SRGAP3: variants seen among roughly 807,000 people sequenced by gnomAD.
The protein encoded by SRGAP3 is SLIT-ROBO Rho GTPase activating protein 3.
A neutral mutation model predicts 121.1 loss-of-function variants in SRGAP3; 39 were observed. That is an observed-to-expected ratio of 0.32 (90% CI 0.25 to 0.42). SRGAP3 has a LOEUF of 0.42. SRGAP3 is among the 10% of genes least tolerant of loss of function. The probability of loss-of-function intolerance (pLI) is 1.00; values close to 1 mark genes in which losing one functional copy is unlikely to be tolerated. For synonymous variants in SRGAP3, 601 were observed against 570.0 expected (o/e 1.05, Z -0.77); for missense variants, 1,213 against 1,470.6 (o/e 0.82, Z 2.86).
chr3:8,980,764 G>A lies in SRGAP3; in HGVS notation c.*4755C>T, dbSNP rs1051465177. 2 of 232,868 alleles carry A rather than the reference G, an allele frequency of 8.6e-6. No homozygotes were observed. The allele number at this position is 232,868 out of a possible 1,614,324, so 14.4% of individuals were successfully genotyped here. A position where few individuals can be genotyped will look rare whatever the true frequency, so the allele number is the denominator to read the frequency against. ...CAACATTTATCATCACGTGGGGACAGGCAACCAGCAATTTCCTAGGGTGGT... is the reference window on the plus strand; with the variant it reads ...CAACATTTATCATCACGTGGGGACAAGCAACCAGCAATTTCCTAGGGTGGT... On this transcript the variant is annotated 3_prime_UTR_variant, in exon 22 of 22. Transcript: ENST00000383836.
At chr3:9,175,104 G>C (rs1472147831) in intron 1 of SRGAP3, among the ~76,000 whole-genome samples, 1 of 152,060 alleles carries the variant, frequency 6.6e-6, no homozygotes, top group Non-Finnish European at 1.5e-5. Flanking sequence ...AAACACCTAG[G>C]AGGCTGACAA....
intron 1 of SRGAP3, among the ~76,000 whole-genome samples, chr3:9,142,754 AG>A (rs1188646487): frequency 6.6e-6 from 1 of 151,140 alleles, no homozygotes; most frequent in African/African-American, 2.4e-5. Flanking sequence ...TTCTGCAGAA[AG>A]CAAGGTAGTT....
chr3:9,270,107 C>T (rs961013221), intron 3 of SRGAP3, among the ~76,000 whole-genome samples: 15 of 152,080 alleles, frequency 9.9e-5, no homozygotes, highest in African/African-American at 3.6e-4. Context: ...AGTCTGGAGA[C>T]TAGACTTTGA....
At chr3:9,064,362 C>T (rs954333745) in intron 5 of SRGAP3, 34 bp downstream of exon 5, 79 of 1,613,754 alleles carry the variant, frequency 4.9e-5, no homozygotes, top group Non-Finnish European at 6.5e-5. Context: ...TGTGCCCTGT[C>T]CCCAATCGCT....
intron 1 of SRGAP3, among the ~76,000 whole-genome samples, chr3:9,343,262 T>C (rs1955824925): frequency 6.6e-6 from 1 of 152,222 alleles, no homozygotes; most frequent in African/African-American, 2.4e-5. Flanking sequence ...TGCTGGCTCT[T>C]TGAAAGACCA....
chr3:9,068,434 C>T (rs115456921), intron 4 of SRGAP3, among the ~76,000 whole-genome samples: 3,166 of 152,294 alleles, frequency 0.021, 48 homozygotes, highest in South Asian at 0.037. Flanking sequence ...ACTTCCCAGA[C>T]AGCCTCTAAA....
chr3:9,166,545 G>A (rs1164947551), intron 1 of SRGAP3, among the ~76,000 whole-genome samples: 4 of 152,176 alleles, frequency 2.6e-5, no homozygotes, highest in African/African-American at 9.7e-5. Flanking sequence ...GCAGATGAAT[G>A]AAACATCCTA....
rs1941434630 is a variant in SRGAP3 at position 8,981,905 on chromosome 3, C to T, written c.*3614G>A. On this transcript the variant is annotated 3_prime_UTR_variant, in exon 22 of 22. Coordinates refer to ENST00000383836, the MANE Select transcript of SRGAP3 (RefSeq NM_014850.4). ...CTAATTCCCAAGCTCGCAATTCCCTCCGATTGTGCACTCTGTCCGGGGTTC... is the reference window on the plus strand; with the variant it reads ...CTAATTCCCAAGCTCGCAATTCCCTTCGATTGTGCACTCTGTCCGGGGTTC... 4.4e-6 allele frequency: 1 copy of T among 227,638 alleles called. No homozygotes were observed. The highest frequency in any genetic ancestry group is 8.7e-6 in the Non-Finnish European group (1 of 114,588). The allele number at this position is 227,638 out of a possible 1,614,324, so 14.1% of individuals were successfully genotyped here. A position where few individuals can be genotyped will look rare whatever the true frequency, so the allele number is the denominator to read the frequency against.
intron 1 of SRGAP3, among the ~76,000 whole-genome samples, chr3:9,141,874 A>G (rs963312178): frequency 5.3e-5 from 8 of 152,232 alleles, no homozygotes; most frequent in Admixed American, 3.3e-4. Flanking sequence ...ACATAAGAAA[A>G]GGGCTCCAGC....
chr3:9,128,582 A>G (rs1040451249), intron 1 of SRGAP3, among the ~76,000 whole-genome samples: 1 of 152,264 alleles, frequency 6.6e-6, no homozygotes, highest in Non-Finnish European at 1.5e-5. Context: ...ATGACCGGGC[A>G]ATTTCACTGA....
intron 9 of SRGAP3, chr3:9,049,593 T>C: frequency 2.3e-6 from 1 of 431,636 alleles, no homozygotes; most frequent in Non-Finnish European, 4.7e-6. Context: ...TCAGTGTTTC[T>C]CCAAGTGTGG....
chr3:9,237,513 A>G (rs1176034379), intron 1 of SRGAP3, among the ~76,000 whole-genome samples: 1 of 152,230 alleles, frequency 6.6e-6, no homozygotes, highest in Non-Finnish European at 1.5e-5. Context: ...CAGCTGATCC[A>G]ATAGAGAGTT....
intron 1 of SRGAP3, among the ~76,000 whole-genome samples, chr3:9,157,754 G>C (rs1023394354): frequency 2.0e-5 from 3 of 152,162 alleles, no homozygotes; most frequent in Non-Finnish European, 2.9e-5. Context: ...TGAAACCCAG[G>C]CTAAACAGTT....
Position 9,274,495 on chromosome 3 carries a change from T to A in SRGAP3, n.442+51515A>T, listed in dbSNP as rs570009959. ...AACTTCATGTGGCCCCACAGCAGCA[T>A]CTAGGGGGAAGTGCCTGTGACCCCT... On this transcript the variant is annotated intron_variant and non_coding_transcript_variant, in intron 3 of 3. Coordinates refer to the SRGAP3 transcript ENST00000490889. Among the ~76,000 whole-genome samples, 2 of 152,236 alleles carry A rather than the reference T, an allele frequency of 1.3e-5. 1 individual carries two copies. The highest frequency in any genetic ancestry group is 4.2e-4 in the South Asian group (2 of 4,816).
intron 1 of SRGAP3, among the ~76,000 whole-genome samples, chr3:9,155,878 C>T (rs1950399242): frequency 2.0e-5 from 3 of 152,254 alleles, no homozygotes; most frequent in Admixed American, 2.0e-4. Context: ...TGCAGTGGTG[C>T]GATCTTGGCT....
In SRGAP3 at chr3:9,305,571, C is replaced by A. The variant is rs192961462; in HGVS notation, n.442+20439G>T. ...CTATCCGTCCCCCAGTCTCCCACCC[C>A]CCGACAGGCCCCAGTGTGTGATGTT... is the stretch of plus-strand genomic sequence containing the variant. On this transcript the variant is annotated intron_variant and non_coding_transcript_variant, in intron 3 of 3. Transcript: ENST00000490889. 1.1e-3 allele frequency among the ~76,000 whole-genome samples: 172 copies of A among 151,896 alleles called. 1 individual carries two copies. The highest frequency in any genetic ancestry group is 3.5e-3 in the African/African-American group (144 of 41,380).
At chr3:9,350,189 C>A (rs1328220226) in intron 1 of SRGAP3, 1 of 152,214 alleles carries the variant, frequency 6.6e-6, no homozygotes, top group East Asian at 1.9e-4. Context: ...TTTACGTGCA[C>A]AATTTAATTC....
At chr3:9,316,202 C>A (rs946240845) in intron 3 of SRGAP3, among the ~76,000 whole-genome samples, 7 of 152,018 alleles carry the variant, frequency 4.6e-5, no homozygotes, top group African/African-American at 1.7e-4. Flanking sequence ...GCACACACCA[C>A]CACACCTGGC....
At position 9,262,534 on chromosome 3, in the gene SRGAP3, C is replaced by CAAAAAAA. The variant is rs765408588; in HGVS notation, n.442+63469_442+63475dup. Among the ~76,000 whole-genome samples the CAAAAAAA allele has an allele frequency of 3.1e-3, 78 of 25,560 alleles. 5 individuals are homozygous for CAAAAAAA. Among genetic ancestry groups the CAAAAAAA allele is most frequent in the South Asian group, 4.3e-3 (2 of 460 alleles). The allele number at this position is 25,560 out of a possible 152,430, so 16.8% of individuals were successfully genotyped here. A position where few individuals can be genotyped will look rare whatever the true frequency, so the allele number is the denominator to read the frequency against. On this transcript the variant is annotated intron_variant and non_coding_transcript_variant, in intron 3 of 3. Coordinates refer to the SRGAP3 transcript ENST00000490889. ...GAAGATTTACCAAGCAAATGGAAAG[C>CAAAAAAA]AAAAAAAAAAAAAAAAAAAAAAGCA...
Sources: gnomAD v4.1 joint callset for allele counts (sites outside exome capture counted in the v4.1 genomes callset) on GRCh38, gnomAD v4.1.1 for gene constraint, MANE v1.5 for transcripts, NCBI Gene and HGNC (gene_info 2026-07-23, HGNC 2026-07-21) for gene names.